RWDD4: variants seen among roughly 807,000 people sequenced by gnomAD.
The protein encoded by RWDD4 is RWD domain containing 4.
In RWDD4, 16 loss-of-function variants were observed where a neutral mutation model predicts 30.0. The observed-to-expected ratio is 0.53, with a 90% confidence interval of 0.36 to 0.81. The LOEUF (loss-of-function observed/expected upper bound fraction) is 0.81, where lower values mean the gene tolerates loss of function less well. Among genes scored for constraint, RWDD4 ranks in the 30% least tolerant of loss-of-function variants. RWDD4 has a pLI of 0.00. For synonymous variants in RWDD4, 45 were observed against 72.1 expected, an observed-to-expected ratio of 0.62 and a Z score of 1.90; for missense variants, 170 against 223.9, an observed-to-expected ratio of 0.76 and a Z score of 1.54.
At chr4:183,655,374 C>T (rs959609080) in intron 2 of RWDD4, among the ~76,000 whole-genome samples, 2 of 151,086 alleles carry the variant, frequency 1.3e-5, no homozygotes, top group Non-Finnish European at 3.0e-5. Context: ...CTCTGCCTCC[C>T]GGGTTCACGC....
intron 1 of RWDD4, among the ~76,000 whole-genome samples, chr4:183,658,646 G>C (rs961484405): frequency 1.8e-4 from 27 of 152,212 alleles, no homozygotes; most frequent in African/African-American, 5.8e-4. Flanking sequence ...GGAGAGCCAA[G>C]AGCACTGGAT....
intron 5 of RWDD4, among the ~76,000 whole-genome samples, chr4:183,647,485 A>G (rs947184796): frequency 2.0e-5 from 3 of 152,192 alleles, no homozygotes; most frequent in African/African-American, 7.2e-5. Context: ...ACTAAAACTT[A>G]GCCACAGTGC....
At chr4:183,651,179 G>A (rs1201794073) in intron 3 of RWDD4, 39 bp downstream of exon 3, 1 of 1,600,320 alleles carries the variant, frequency 6.2e-7, no homozygotes, top group Admixed American at 1.7e-5. Flanking sequence ...GTATAACAGA[G>A]AGTGAAATGA....
chr4:183,641,614 T>G (rs1733857505), intron 7 of RWDD4, 146 bp from the exon 8 acceptor site: 1 of 672,616 alleles, frequency 1.5e-6, no homozygotes, highest in Non-Finnish European at 2.7e-6. Flanking sequence ...ACTTTTCAAC[T>G]TCAAGCTCAG....
At position 183,640,765 on chromosome 4, in the gene RWDD4, A is replaced by AGATTT. The variant is rs1187181738; in HGVS notation, c.*666_*670dup. 1.0e-5 allele frequency: 1 copy of AGATTT among 95,938 alleles called. No homozygotes were observed. Among genetic ancestry groups the AGATTT allele is most frequent in the Non-Finnish European group, 2.1e-5 (1 of 48,600 alleles). 5.9% of individuals were successfully genotyped at this position (95,938 alleles called of 1,614,324 possible). On this transcript the variant is annotated 3_prime_UTR_variant, in exon 8 of 8. Coordinates refer to ENST00000326397, the MANE Select transcript of RWDD4 (RefSeq NM_152682.4). ...TAAAATGCTTTCTAGTGTATTTGGC[A>AGATTT]GATTTGTTTTTATATTCTCCTATTC...
At position 183,653,833 on chromosome 4, in the gene RWDD4, C is replaced by T. The variant is rs7689228; in HGVS notation, c.105+2048G>A. Among the ~76,000 whole-genome samples the T allele has an allele frequency of 9.7e-3, 1,475 of 152,174 alleles. 25 individuals carry two copies. The highest frequency in any genetic ancestry group is 0.033 in the African/African-American group (1,384 of 41,516). On this transcript the variant is annotated intron_variant, in intron 2 of 7. Transcript: ENST00000326397. ...ACATGCCTCACACTGTGCTGGGTAC[C>T]GAAGATACAAAGATAGAGACAAGGC...
intron 5 of RWDD4, 126 bp from the exon 6 acceptor site, chr4:183,646,663 G>T: frequency 1.3e-6 from 1 of 766,518 alleles, no homozygotes. Context: ...TACTAAGTTG[G>T]AAAAAGAGTT....
At chr4:183,655,174 G>C (rs113067948) in intron 2 of RWDD4, among the ~76,000 whole-genome samples, 11,134 of 152,042 alleles carry the variant, frequency 0.073, 1,362 homozygotes, top group African/African-American at 0.26. Context: ...CTCCAGACTT[G>C]AGGTGATCCG....
chr4:183,658,347 T>G (rs1424893864), intron 1 of RWDD4, among the ~76,000 whole-genome samples: 1 of 152,074 alleles, frequency 6.6e-6, no homozygotes, highest in East Asian at 1.9e-4. Flanking sequence ...ACCCCCCAAC[T>G]CTAATATTAT....
rs1733826427 is a variant in RWDD4, at chr4:183,639,924, G to C, written c.*1512C>G. The C allele has an allele frequency of 6.6e-6, 1 of 151,834 alleles. No individual in the cohort carries two copies. The highest frequency in any genetic ancestry group is 2.1e-4 in the South Asian group (1 of 4,814). 9.4% of individuals were successfully genotyped at this position (151,834 alleles called of 1,614,324 possible). A position where few individuals can be genotyped will look rare whatever the true frequency, so the allele number is the denominator to read the frequency against. On this transcript the variant is annotated 3_prime_UTR_variant, in exon 8 of 8. Transcript: ENST00000326397. ...AGCCTGAACAATTTCAGTCTCTTCA[G>C]AGCAAAACAAAGTATTTTATTCCAC... is the stretch of plus-strand genomic sequence containing the variant.
intron 7 of RWDD4, among the ~76,000 whole-genome samples, chr4:183,644,389 T>C (rs948200251): frequency 6.6e-6 from 1 of 152,226 alleles, no homozygotes; most frequent in Non-Finnish European, 1.5e-5. Flanking sequence ...GGAAATATTT[T>C]TGTACTAGTT....
intron 2 of RWDD4, among the ~76,000 whole-genome samples, chr4:183,652,361 CTTTT>C (rs59841926): frequency 8.1e-6 from 1 of 123,308 alleles, no homozygotes; most frequent in East Asian, 2.3e-4. Context: ...TCTCCCCTGG[CTTTT>C]TTTTTTTTTT....
intron 2 of RWDD4, among the ~76,000 whole-genome samples, chr4:183,652,943 C>T (rs188821880): frequency 2.5e-3 from 387 of 152,204 alleles, no homozygotes; most frequent in Middle Eastern, 0.01. Context: ...AGGCTGGTCT[C>T]GAACTCCTGA....
At chr4:183,656,578 G>A (rs1455425224) in intron 1 of RWDD4, among the ~76,000 whole-genome samples, 2 of 152,126 alleles carry the variant, frequency 1.3e-5, no homozygotes, top group African/African-American at 4.8e-5. Flanking sequence ...CAACTGAGAA[G>A]TTCATCACTG....
At chr4:183,645,454 A>G (rs1733948840) in intron 7 of RWDD4, among the ~76,000 whole-genome samples, 1 of 152,184 alleles carries the variant, frequency 6.6e-6, no homozygotes, top group African/African-American at 2.4e-5. Context: ...AACCACGTTT[A>G]AGGTCTGTCC....
Position 183,646,480 on chromosome 4 carries a change from T to G in RWDD4, c.531+8A>C, listed in dbSNP as rs1733967684. 4 of 1,611,442 alleles carry G rather than the reference T, an allele frequency of 2.5e-6. No individual in the cohort carries two copies. The highest frequency in any genetic ancestry group is 3.4e-6 in the Non-Finnish European group (4 of 1,179,286). On this transcript the variant is annotated splice_region_variant and intron_variant, in intron 6 of 7. Transcript: ENST00000326397. ...AAGTTTAAAGACTAGAATATAAATG[T>G]TATATACCTTCACAACATCAACCCA...
intron 7 of RWDD4, among the ~76,000 whole-genome samples, chr4:183,644,093 T>C (rs1162033759): frequency 2.0e-5 from 3 of 148,232 alleles, no homozygotes; most frequent in Non-Finnish European, 4.5e-5. Flanking sequence ...TTAGATCAGA[T>C]TCTTTTTCTT....
At chr4:183,650,914 T>C (rs750276119) in intron 4 of RWDD4, 70 bp downstream of exon 4, 23 of 1,514,382 alleles carry the variant, frequency 1.5e-5, no homozygotes, top group Non-Finnish European at 1.9e-5. Flanking sequence ...TATTAAGTAG[T>C]ACAAATTTAT....
chr4:183,645,703 C>T (rs1733954420), intron 7 of RWDD4, among the ~76,000 whole-genome samples: 1 of 152,076 alleles, frequency 6.6e-6, no homozygotes, highest in African/African-American at 2.4e-5. Flanking sequence ...TCCAAGGCTG[C>T]AGTGGGCTGT....
Sources: gnomAD v4.1 joint callset for allele counts (sites outside exome capture counted in the v4.1 genomes callset) on GRCh38, gnomAD v4.1.1 for gene constraint, MANE v1.5 for transcripts, NCBI Gene and HGNC (gene_info 2026-07-23, HGNC 2026-07-21) for gene names.